The following OR11A1 variants were observed in gnomAD, a reference collection of about 807,000 sequenced individuals.
The protein encoded by OR11A1 is olfactory receptor 11A1.
For missense variants in OR11A1, 380 were observed against 378.2 expected (o/e 1.00, Z -0.04); for synonymous variants, 158 against 152.2 (o/e 1.04, Z -0.28).
chr6:29,454,899 T>C (rs1469022344), intron 1 of OR11A1, among the ~76,000 whole-genome samples: 1 of 151,792 alleles, frequency 6.6e-6, no homozygotes, highest in African/African-American at 2.4e-5. Context: ...AGCCATTTTT[T>C]TTATCGCTTC....
chr6:29,447,708 G>C (rs1308839233), intron 1 of OR11A1, among the ~76,000 whole-genome samples: 1 of 152,186 alleles, frequency 6.6e-6, no homozygotes, highest in African/African-American at 2.4e-5. Context: ...TTATTCTTCT[G>C]TATTATCCAA....
chr6:29,447,881 C>T (rs190912314), intron 1 of OR11A1, among the ~76,000 whole-genome samples: 15 of 152,226 alleles, frequency 9.9e-5, no homozygotes, highest in Non-Finnish European at 1.6e-4. Context: ...TCTTTGCATT[C>T]CTTGGCTTTC....
intron 1 of OR11A1, among the ~76,000 whole-genome samples, chr6:29,454,018 G>A (rs779196732): frequency 6.6e-6 from 1 of 152,000 alleles, no homozygotes; most frequent in East Asian, 1.9e-4. Context: ...AGCCATAAAT[G>A]GTGGAAGATA....
At chr6:29,446,862 C>T (rs1409155157) in intron 1 of OR11A1, among the ~76,000 whole-genome samples, 2 of 152,186 alleles carry the variant, frequency 1.3e-5, no homozygotes, top group Non-Finnish European at 2.9e-5. Flanking sequence ...ATAAGCAGCA[C>T]ACCTGGTCTG....
rs903628229 is a variant in OR11A1 at position 29,428,932 on chromosome 6, T to C, written c.-111A>G. On this transcript the variant is annotated 5_prime_UTR_variant, in exon 4 of 5. Transcript: ENST00000377149. ...TCATACCTGCTGGAAGGTTTTCATA[T>C]GCTATTCAAAGCAATATGTGTTTAT... is the stretch of plus-strand genomic sequence containing the variant. 5 of 975,460 alleles carry C rather than the reference T, an allele frequency of 5.1e-6. No homozygotes were observed. The highest frequency in any genetic ancestry group is 5.3e-4 in the Middle Eastern group (1 of 1,898). 60.4% of individuals were successfully genotyped at this position (975,460 alleles called of 1,614,324 possible).
intron 4 of OR11A1, chr6:29,428,224 T>G (rs1782989867): frequency 1.0e-6 from 1 of 985,696 alleles, no homozygotes; most frequent in African/African-American, 1.7e-5. Flanking sequence ...CAACTGTTCC[T>G]CGGATAATTC....
intron 1 of OR11A1, among the ~76,000 whole-genome samples, chr6:29,451,841 A>T (rs1385735005): frequency 6.6e-6 from 1 of 152,210 alleles, no homozygotes; most frequent in African/African-American, 2.4e-5. Flanking sequence ...CATTACTGGA[A>T]ATATACACGA....
chr6:29,449,795 T>C (rs1785158271), intron 1 of OR11A1, among the ~76,000 whole-genome samples: 1 of 151,964 alleles, frequency 6.6e-6, no homozygotes, highest in African/African-American at 2.4e-5. Flanking sequence ...CACCACCACG[T>C]CCAGCCAATT....
chr6:29,428,419 T>C (rs1333377150), intron 4 of OR11A1: 1 of 985,320 alleles, frequency 1.0e-6, no homozygotes, highest in Non-Finnish European at 1.2e-6. Flanking sequence ...GAAGGCTTTC[T>C]GAAGATAGAA....
chr6:29,447,604 T>G (rs1784901288), intron 1 of OR11A1, among the ~76,000 whole-genome samples: 1 of 152,204 alleles, frequency 6.6e-6, no homozygotes, highest in Non-Finnish European at 1.5e-5. Context: ...AGTACAGGGG[T>G]GCGTCCCAAT....
chr6:29,430,517 A>G, intron 2 of OR11A1, 92 bp from the exon 3 acceptor site: 1 of 813,502 alleles, frequency 1.2e-6, no homozygotes, highest in South Asian at 5.6e-5. Flanking sequence ...AATCAAGAGT[A>G]TCATTGGAGC....
chr6:29,456,423 T>G (rs1421518091), intron 1 of OR11A1, among the ~76,000 whole-genome samples: 3 of 150,718 alleles, frequency 2.0e-5, no homozygotes, highest in African/African-American at 7.3e-5. Context: ...GGCAGGAGAA[T>G]GGCGTGAACC....
Position 29,430,369 on chromosome 6 carries a change from A to G in OR11A1, c.-208T>C. The G allele has an allele frequency of 1.0e-6, 1 of 985,362 alleles. No individual in the cohort carries two copies. The highest frequency in any genetic ancestry group is 1.2e-6 in the Non-Finnish European group (1 of 829,896). The allele number at this position is 985,362 out of a possible 1,614,324, so 61.0% of individuals were successfully genotyped here. A position where few individuals can be genotyped will look rare whatever the true frequency, so the allele number is the denominator to read the frequency against. On this transcript the variant is annotated 5_prime_UTR_variant, in exon 3 of 5. Coordinates refer to ENST00000377149, the MANE Select transcript of OR11A1 (RefSeq NM_001394828.1). ...CCCTATGTGGGCCATCTTTAACTCT[A>G]GATTATTTTATCTGGTCCAAACTCA...
At chr6:29,440,666 C>T in intron 1 of OR11A1, 1 of 1,614,170 alleles carries the variant, frequency 6.2e-7, no homozygotes, top group African/African-American at 1.3e-5. Flanking sequence ...TGGGCTCCTA[C>T]GGGCGTATCC....
intron 1 of OR11A1, chr6:29,440,916 A>T: frequency 6.2e-7 from 1 of 1,613,146 alleles, no homozygotes; most frequent in Middle Eastern, 1.6e-4. Context: ...AGCTGCCCTA[A>T]AGAGAACCAT....
At chr6:29,441,382 A>C (rs1390364509) in intron 1 of OR11A1, among the ~76,000 whole-genome samples, 1 of 152,212 alleles carries the variant, frequency 6.6e-6, no homozygotes, top group Non-Finnish European at 1.5e-5. Flanking sequence ...AATTATACCT[A>C]ATTAAATCTA....
intron 1 of OR11A1, among the ~76,000 whole-genome samples, chr6:29,436,650 A>G (rs1260640434): frequency 6.6e-6 from 1 of 152,248 alleles, no homozygotes; most frequent in Non-Finnish European, 1.5e-5. Context: ...GCAACTTTAT[A>G]GAATGCAACT....
intron 1 of OR11A1, among the ~76,000 whole-genome samples, chr6:29,442,365 GA>G (rs2151383577): frequency 6.6e-6 from 1 of 152,340 alleles, no homozygotes; most frequent in East Asian, 1.9e-4. Flanking sequence ...AATAAGCTGA[GA>G]GGGTGAATCA....
chr6:29,426,750 C>T lies in OR11A1; in HGVS notation c.892G>A (p.Val298Met). 6.2e-7 allele frequency: 1 copy of T among 1,612,896 alleles called. No homozygotes were observed. The highest frequency in any genetic ancestry group is 8.5e-7 in the Non-Finnish European group (1 of 1,179,950). Residue 298 changes from valine to methionine, a missense_variant, in exon 5 of 5, where the codon GTG becomes ATG. Transcript: ENST00000377149. ...AGAATCTTCCGAAGTGCCTGATGCA[C>T]CTCCTTGTTCCTCATGGTATAGATC... is the stretch of plus-strand genomic sequence containing the variant. ...PVIYTMRNKE[V>M]HQALRKILCI...
Sources: gnomAD v4.1 joint callset for allele counts (sites outside exome capture counted in the v4.1 genomes callset) on GRCh38, gnomAD v4.1.1 for gene constraint, MANE v1.5 for transcripts, NCBI Gene and HGNC (gene_info 2026-07-23, HGNC 2026-07-21) for gene names.